The following SLIT2 variants were observed in gnomAD, a reference collection of about 807,000 sequenced individuals.
SLIT2 encodes the protein slit homolog 2 protein.
In SLIT2, 41 loss-of-function variants were observed where a neutral mutation model predicts 185.7. That is an observed-to-expected ratio of 0.22 (90% confidence interval 0.17 to 0.29). The LOEUF (loss-of-function observed/expected upper bound fraction) is 0.29. Ranked by LOEUF, SLIT2 falls within the 10% of genes least tolerant of loss-of-function variation. The pLI is 1.00. For synonymous variants in SLIT2, 693 were observed against 680.2 expected, an observed-to-expected ratio of 1.02 and a Z score of -0.29; for missense variants, 1,571 against 1,909.0, an observed-to-expected ratio of 0.82 and a Z score of 3.30.
intron 4 of SLIT2, among the ~76,000 whole-genome samples, chr4:20,345,370 A>G (rs1382432940): frequency 1.3e-5 from 2 of 152,118 alleles, no homozygotes; most frequent in East Asian, 3.9e-4. Context: ...ACTTTTGCCA[A>G]GGTTGGGAGC....
chr4:20,338,614 A>C (rs536484980), intron 4 of SLIT2, among the ~76,000 whole-genome samples: 1 of 152,344 alleles, frequency 6.6e-6, no homozygotes, highest in African/African-American at 2.4e-5. Flanking sequence ...TATTTTGGGA[A>C]TAATGACTGC....
intron 2 of SLIT2, among the ~76,000 whole-genome samples, chr4:20,257,637 T>A (rs1354594545): frequency 1.3e-5 from 2 of 152,018 alleles, no homozygotes; most frequent in African/African-American, 4.8e-5. Flanking sequence ...TTTTGACCAG[T>A]AAATCTCATG....
intron 4 of SLIT2, among the ~76,000 whole-genome samples, chr4:20,373,563 T>C (rs577092631): frequency 8.5e-4 from 129 of 152,266 alleles, no homozygotes; most frequent in African/African-American, 2.9e-3. Context: ...GTGTTATTAA[T>C]ATGCACATGT....
chr4:20,309,821 G>A (rs1402456442), intron 4 of SLIT2, among the ~76,000 whole-genome samples: 6 of 136,740 alleles, frequency 4.4e-5, no homozygotes, highest in Admixed American at 1.7e-4. Flanking sequence ...GTGCAGTGGC[G>A]TTATCTCGGC....
chr4:20,469,376 A>G (rs970111138), intron 5 of SLIT2, among the ~76,000 whole-genome samples: 4 of 152,182 alleles, frequency 2.6e-5, no homozygotes, highest in Non-Finnish European at 4.4e-5. Context: ...CCAAGTAAAA[A>G]AGTGGCCCTC....
At chr4:20,494,528 G>A (rs897597652) in intron 9 of SLIT2, among the ~76,000 whole-genome samples, 40 of 152,156 alleles carry the variant, frequency 2.6e-4, no homozygotes, top group African/African-American at 9.4e-4. Flanking sequence ...TGTAATCCCA[G>A]CACTTTGGGA....
chr4:20,421,263 C>G (rs1236210784), intron 4 of SLIT2, among the ~76,000 whole-genome samples: 1 of 152,144 alleles, frequency 6.6e-6, no homozygotes, highest in Non-Finnish European at 1.5e-5. Flanking sequence ...GCTTTCAGAT[C>G]CCAGGTATGT....
At chr4:20,605,840 G>A (rs1041301792) in intron 33 of SLIT2, among the ~76,000 whole-genome samples, 6 of 151,086 alleles carry the variant, frequency 4.0e-5, no homozygotes, top group African/African-American at 1.2e-4. Flanking sequence ...TCTGCCTCCC[G>A]GGTTCAAGCA....
chr4:20,384,294 A>G (rs1724766140), intron 4 of SLIT2, among the ~76,000 whole-genome samples: 1 of 152,180 alleles, frequency 6.6e-6, no homozygotes, highest in Non-Finnish European at 1.5e-5. Context: ...CCCAGGTTGC[A>G]TTTTCATGTA....
At chr4:20,369,984 T>C (rs946846858) in intron 4 of SLIT2, among the ~76,000 whole-genome samples, 3 of 152,120 alleles carry the variant, frequency 2.0e-5, no homozygotes, top group African/African-American at 7.2e-5. Context: ...TGAAGTGTTT[T>C]CTGTACCAGC....
intron 4 of SLIT2, among the ~76,000 whole-genome samples, chr4:20,285,586 C>T (rs1015686714): frequency 3.9e-5 from 6 of 152,130 alleles, no homozygotes; most frequent in African/African-American, 1.4e-4. Flanking sequence ...ATGTCTTGCT[C>T]TGTTATGCAG....
intron 4 of SLIT2, among the ~76,000 whole-genome samples, chr4:20,433,862 G>A (rs755804132): frequency 4.6e-5 from 7 of 152,108 alleles, no homozygotes; most frequent in African/African-American, 7.2e-5. Flanking sequence ...TGATACATAC[G>A]TTTAGAGGGT....
At chr4:20,443,122 A>G (rs555715521) in intron 4 of SLIT2, among the ~76,000 whole-genome samples, 36 of 152,332 alleles carry the variant, frequency 2.4e-4, no homozygotes, top group African/African-American at 7.7e-4. Context: ...TGACATTTTC[A>G]GCATATACTG....
chr4:20,333,817 A>G (rs753956297), intron 4 of SLIT2, among the ~76,000 whole-genome samples: 2 of 152,172 alleles, frequency 1.3e-5, no homozygotes, highest in African/African-American at 2.4e-5. Context: ...AAAGGTTGCA[A>G]TTATTTAGGA....
chr4:20,306,742 T>C (rs746605076), intron 4 of SLIT2, among the ~76,000 whole-genome samples: 7 of 152,160 alleles, frequency 4.6e-5, no homozygotes, highest in Non-Finnish European at 1.0e-4. Context: ...GGATTTCCTT[T>C]CTTGTATATC....
intron 4 of SLIT2, among the ~76,000 whole-genome samples, chr4:20,397,172 A>G (rs1318633604): frequency 1.3e-5 from 2 of 151,732 alleles, no homozygotes; most frequent in Non-Finnish European, 2.9e-5. Flanking sequence ...GAGTATCACA[A>G]GTTTAGTGGG....
intron 4 of SLIT2, among the ~76,000 whole-genome samples, chr4:20,462,910 A>G (rs1713888404): frequency 6.6e-6 from 1 of 152,184 alleles, no homozygotes. Context: ...AGGAGCACAT[A>G]AAAGAGTCTC....
chr4:20,549,683 C>A (rs970596309), intron 24 of SLIT2, among the ~76,000 whole-genome samples: 1 of 151,342 alleles, frequency 6.6e-6, no homozygotes, highest in African/African-American at 2.4e-5. Flanking sequence ...TTTTGTTCTG[C>A]CATTGTCTAT....
At chr4:20,413,137 T>G (rs1727383736) in intron 4 of SLIT2, among the ~76,000 whole-genome samples, 1 of 152,082 alleles carries the variant, frequency 6.6e-6, no homozygotes, top group African/African-American at 2.4e-5. Flanking sequence ...TTTTTCTAAG[T>G]GCTGCATCCA....
Sources: gnomAD v4.1 joint callset for allele counts (sites outside exome capture counted in the v4.1 genomes callset) on GRCh38, gnomAD v4.1.1 for gene constraint, MANE v1.5 for transcripts, NCBI Gene and HGNC (gene_info 2026-07-23, HGNC 2026-07-21) for gene names.